The following KLHL29 variants were observed in gnomAD, a reference collection of about 807,000 sequenced individuals.
KLHL29 encodes the protein kelch-like protein 29.
KLHL29 carries 21 observed loss-of-function variants against 80.4 expected under a neutral mutation model. That is an observed-to-expected ratio of 0.26 (90% CI 0.19 to 0.38). The LOEUF is 0.38. Among genes scored for constraint, KLHL29 ranks in the 10% least tolerant of loss-of-function variants. The probability of loss-of-function intolerance (pLI) is 1.00; values close to 1 mark genes in which losing one functional copy is unlikely to be tolerated. For missense variants in KLHL29, 867 were observed against 1,223.9 expected (o/e 0.71, Z 4.35); for synonymous variants, 511 against 526.8 (o/e 0.97, Z 0.41).
At chr2:23,601,915 A>C (rs536238446) in intron 3 of KLHL29, among the ~76,000 whole-genome samples, 1 of 152,326 alleles carries the variant, frequency 6.6e-6, no homozygotes, top group South Asian at 2.1e-4. Context: ...TGGAGGGCTC[A>C]GTTAATAGCT....
intron 2 of KLHL29, among the ~76,000 whole-genome samples, chr2:23,512,353 G>A (rs1372232297): frequency 1.3e-5 from 2 of 152,038 alleles, no homozygotes; most frequent in Non-Finnish European, 2.9e-5. Flanking sequence ...GCTGAGGCAG[G>A]AGAGTTGCTT....
At chr2:23,504,944 C>T (rs778632442) in intron 2 of KLHL29, among the ~76,000 whole-genome samples, 15 of 152,330 alleles carry the variant, frequency 9.8e-5, no homozygotes, top group African/African-American at 2.2e-4. Flanking sequence ...GAAGCCTCCA[C>T]GGGGCAGGCA....
chr2:23,622,715 G>A (rs183468789), intron 3 of KLHL29, among the ~76,000 whole-genome samples: 5 of 152,328 alleles, frequency 3.3e-5, no homozygotes, highest in Admixed American at 1.3e-4. Flanking sequence ...TAGGACGCCC[G>A]CTGAGCATTC....
intron 2 of KLHL29, among the ~76,000 whole-genome samples, chr2:23,517,302 T>C (rs1243889475): frequency 1.3e-5 from 2 of 152,334 alleles, no homozygotes; most frequent in East Asian, 3.9e-4. Context: ...CCCAGCACTT[T>C]GGGAGGCCGA....
At chr2:23,429,963 A>G (rs894754846) in intron 1 of KLHL29, among the ~76,000 whole-genome samples, 1 of 152,146 alleles carries the variant, frequency 6.6e-6, no homozygotes, top group African/African-American at 2.4e-5. Flanking sequence ...AATCTTCTCA[A>G]CAGTCCTCCT....
chr2:23,654,931 G>A (rs547067630), intron 5 of KLHL29, among the ~76,000 whole-genome samples: 1 of 152,294 alleles, frequency 6.6e-6, no homozygotes, highest in Admixed American at 6.5e-5. Context: ...GCTTGCTGTT[G>A]TAGCCTGTGT....
chr2:23,519,720 G>A (rs949586502), intron 2 of KLHL29, among the ~76,000 whole-genome samples: 1 of 152,198 alleles, frequency 6.6e-6, no homozygotes, highest in Non-Finnish European at 1.5e-5. Flanking sequence ...CCATTTTAGG[G>A]AGACATGAGA....
rs187174807 is a variant in KLHL29 at position 23,638,995 on chromosome 2, G to A, written c.286-144G>A. ...CACCAAAGACTGGGTGGAGGGCTGA[G>A]GCTCTGCCTCTGACCCTGTACTCAG... On this transcript the variant is annotated intron_variant, in intron 3 of 13. Coordinates refer to ENST00000486442, the MANE Select transcript of KLHL29 (RefSeq NM_052920.2). 5 of 706,158 alleles carry A rather than the reference G, an allele frequency of 7.1e-6. No individual in the cohort carries two copies. The Admixed American group carries it at 2.0e-4, about 29-fold the overall frequency. The allele number at this position is 706,158 out of a possible 1,614,324, so 43.7% of individuals were successfully genotyped here. A position where few individuals can be genotyped will look rare whatever the true frequency, so the allele number is the denominator to read the frequency against.
intron 2 of KLHL29, among the ~76,000 whole-genome samples, chr2:23,479,053 G>A (rs896609615): frequency 1.3e-5 from 2 of 151,604 alleles, no homozygotes; most frequent in Non-Finnish European, 2.9e-5. Context: ...CTTGGCCTCC[G>A]TGGTGTCCAC....
intron 3 of KLHL29, among the ~76,000 whole-genome samples, chr2:23,628,040 GT>G (rs1558414642): frequency 6.6e-6 from 1 of 151,538 alleles, no homozygotes; most frequent in Non-Finnish European, 1.5e-5. Flanking sequence ...AGCCTCCCGA[GT>G]AGCTGGGATT....
chr2:23,447,074 G>A (rs1186531605), intron 1 of KLHL29, among the ~76,000 whole-genome samples: 1 of 152,230 alleles, frequency 6.6e-6, no homozygotes, highest in African/African-American at 2.4e-5. Context: ...AGCTGATACA[G>A]GTTCAGACAC....
Position 23,562,900 on chromosome 2 carries a change from TG to T in KLHL29, c.285+420del, listed in dbSNP as rs1327912767. 2.6e-5 allele frequency among the ~76,000 whole-genome samples: 4 copies of T among 152,018 alleles called. No individual in the cohort carries two copies. Among genetic ancestry groups the T allele is most frequent in the Admixed American group, 1.3e-4 (2 of 15,264 alleles). On this transcript the variant is annotated intron_variant, in intron 3 of 13. Coordinates refer to ENST00000486442, the MANE Select transcript of KLHL29 (RefSeq NM_052920.2). This position sits in a 1 kb window ranked among gnomAD's most constrained non-coding sequence, Gnocchi z 4.5. ...GACAAGCAGTAACAGTCATAAAGGG[TG>T]ATAAACCCACACTTTATTAACCACT...
chr2:23,631,919 A>T (rs530925794), intron 3 of KLHL29, among the ~76,000 whole-genome samples: 2 of 152,124 alleles, frequency 1.3e-5, no homozygotes, highest in African/African-American at 4.8e-5. Flanking sequence ...GTCCCCACGC[A>T]CAGGCCCAAG....
chr2:23,545,589 A>G (rs1666961354), intron 2 of KLHL29, among the ~76,000 whole-genome samples: 1 of 152,194 alleles, frequency 6.6e-6, no homozygotes, highest in Non-Finnish European at 1.5e-5. Context: ...GGTAAGCGAA[A>G]GGGGGTGCTG....
At chr2:23,522,623 C>T (rs145755471) in intron 2 of KLHL29, among the ~76,000 whole-genome samples, 163 of 151,888 alleles carry the variant, frequency 1.1e-3, no homozygotes, top group Middle Eastern at 0.01. Context: ...GAAGGTGAGG[C>T]GGGTCTTTTG....
At chr2:23,569,489 C>T (rs142505501) in intron 3 of KLHL29, among the ~76,000 whole-genome samples, 283 of 152,268 alleles carry the variant, frequency 1.9e-3, no homozygotes, top group African/African-American at 6.3e-3. Flanking sequence ...TTCCCTGTTT[C>T]GTTTAATTAC....
intron 3 of KLHL29, among the ~76,000 whole-genome samples, chr2:23,633,756 C>CGTGTGTGTGTGTGTGTGTGTGTGTGTGT (rs1181808728): frequency 6.8e-6 from 1 of 147,128 alleles, no homozygotes; most frequent in Admixed American, 6.7e-5. Flanking sequence ...TCACAGCACT[C>CGTGTGTGTGTGTGTGTGTGTGTGTGTGT]GTGTGTGTGT....
At chr2:23,506,054 C>A (rs1023176924) in intron 2 of KLHL29, among the ~76,000 whole-genome samples, 2 of 152,208 alleles carry the variant, frequency 1.3e-5, no homozygotes, top group Admixed American at 6.5e-5. Flanking sequence ...GGCTTCATTA[C>A]CAGCCACTCT....
intron 11 of KLHL29, among the ~76,000 whole-genome samples, chr2:23,702,102 C>T (rs1672429505): frequency 6.6e-6 from 1 of 152,060 alleles, no homozygotes; most frequent in Non-Finnish European, 1.5e-5. Flanking sequence ...GGATGATAGG[C>T]GTGAGCCATC....
Sources: allele counts gnomAD v4.1 joint callset (sites outside exome capture counted in the v4.1 genomes callset), GRCh38; gene constraint gnomAD v4.1.1; non-coding constraint Gnocchi (gnomAD v3.1); transcripts MANE v1.5; gene names NCBI Gene and HGNC (gene_info 2026-07-23, HGNC 2026-07-21).